PRKCZ: variants seen among roughly 807,000 people sequenced by gnomAD.
PRKCZ encodes protein kinase C zeta type.
In PRKCZ, 33 loss-of-function variants were observed where a neutral mutation model predicts 79.5. That is an observed-to-expected ratio of 0.41 (90% confidence interval 0.31 to 0.55). The LOEUF (loss-of-function observed/expected upper bound fraction) is 0.55, where lower values mean the gene tolerates loss of function less well. PRKCZ is among the 20% of genes least tolerant of loss of function. PRKCZ has a pLI of 0.19. For synonymous variants in PRKCZ, 342 were observed against 320.9 expected, an observed-to-expected ratio of 1.07 and a Z score of -0.70; for missense variants, 578 against 813.5, an observed-to-expected ratio of 0.71 and a Z score of 3.52.
In PRKCZ at chr1:2,174,914, AT is replaced by A. The variant is rs1685145051; in HGVS notation, c.1485+87del. 22 of 1,416,932 alleles carry A rather than the reference AT, an allele frequency of 1.6e-5. 1 individual carries two copies. In the South Asian group the frequency reaches 1.9e-4, roughly 12 times the overall value. The allele number at this position is 1,416,932 out of a possible 1,614,324, so 87.8% of individuals were successfully genotyped here. A position where few individuals can be genotyped will look rare whatever the true frequency, so the allele number is the denominator to read the frequency against. On this transcript the variant is annotated intron_variant, in intron 15 of 17. Transcript: ENST00000378567. This position sits in a 1 kb window ranked among gnomAD's most constrained non-coding sequence, Gnocchi z 6.2. ...AGAGGGCCAGGCACGGCTGTTGGCC[AT>A]TTTTTCATGTCGGCTGCTGTGTATC...
At chr1:2,069,138 C>G (rs967137839) in intron 4 of PRKCZ, among the ~76,000 whole-genome samples, 9 of 152,078 alleles carry the variant, frequency 5.9e-5, no homozygotes, top group African/African-American at 2.2e-4. Context: ...ACACCCCAAC[C>G]AATGCGACCC....
intron 16 of PRKCZ, among the ~76,000 whole-genome samples, chr1:2,181,424 T>TA (rs767691712): frequency 7.5e-4 from 114 of 152,348 alleles, no homozygotes; most frequent in Non-Finnish European, 1.2e-3. Context: ...CAACACCTGT[T>TA]ACTGCCACAG....
intron 4 of PRKCZ, among the ~76,000 whole-genome samples, chr1:2,093,426 T>C (rs1012219774): frequency 6.6e-6 from 1 of 152,114 alleles, no homozygotes; most frequent in Non-Finnish European, 1.5e-5. Context: ...CCCTGCTTCG[T>C]GCGGGGACTC....
chr1:2,148,817 C>T, intron 7 of PRKCZ, 55 bp from the exon 8 acceptor site: 2 of 1,571,926 alleles, frequency 1.3e-6, no homozygotes, highest in East Asian at 2.2e-5. Context: ...CGCTGTGTTC[C>T]CAGTGCGTTC....
intron 4 of PRKCZ, among the ~76,000 whole-genome samples, chr1:2,085,078 C>A (rs906280528): frequency 6.6e-6 from 1 of 151,954 alleles, no homozygotes; most frequent in Non-Finnish European, 1.5e-5. Context: ...CCAACATGAC[C>A]GACAAGGTGC....
At chr1:2,131,874 C>T (rs1013167562) in intron 4 of PRKCZ, among the ~76,000 whole-genome samples, 43 of 152,324 alleles carry the variant, frequency 2.8e-4, no homozygotes, top group Non-Finnish European at 2.9e-5. Context: ...TGCAGTGGCG[C>T]GATCGCGGCT....
At chr1:2,126,897 C>G (rs1043976432) in intron 4 of PRKCZ, among the ~76,000 whole-genome samples, 9 of 152,256 alleles carry the variant, frequency 5.9e-5, no homozygotes, top group Non-Finnish European at 1.2e-4. Context: ...CACTGACACC[C>G]TGATACCCAT....
intron 11 of PRKCZ, among the ~76,000 whole-genome samples, chr1:2,170,164 G>A (rs1185668100): frequency 1.3e-5 from 2 of 152,158 alleles, no homozygotes; most frequent in African/African-American, 2.4e-5. Flanking sequence ...CAGAACGAGA[G>A]TGGTCTGTTT....
rs931750464 is a variant in PRKCZ at position 2,165,850 on chromosome 1, C to T, written c.975-3668C>T. On this transcript the variant is annotated intron_variant, in intron 10 of 17. Transcript: ENST00000378567. This position sits in a 1 kb window ranked among gnomAD's most constrained non-coding sequence, Gnocchi z 4.1. ...GGTGGGGGGAGTGGCGAGGAGGGGG[C>T]GGCACCAAGGACAGGGCCCACCTCC... Among the ~76,000 whole-genome samples, 2 of 152,030 alleles carry T rather than the reference C, an allele frequency of 1.3e-5. No homozygotes were observed. The highest frequency in any genetic ancestry group is 2.9e-5 in the Non-Finnish European group (2 of 67,970).
At chr1:2,110,960 C>T (rs568456659) in intron 4 of PRKCZ, among the ~76,000 whole-genome samples, 1 of 152,198 alleles carries the variant, frequency 6.6e-6, no homozygotes, top group African/African-American at 2.4e-5. Context: ...TGCGGCCTTC[C>T]CCTCGGGTGC....
chr1:2,117,166 T>G (rs1670913529), intron 4 of PRKCZ, among the ~76,000 whole-genome samples: 1 of 152,036 alleles, frequency 6.6e-6, no homozygotes. Context: ...CCCAGGCTGG[T>G]CTTGAACTCC....
chr1:2,146,141 C>T (rs1201285406), intron 7 of PRKCZ, 33 bp downstream of exon 7: 2 of 1,577,064 alleles, frequency 1.3e-6, no homozygotes, highest in Non-Finnish European at 1.7e-6. Flanking sequence ...CGGGTAGAGC[C>T]TGGGCATCAC....
intron 10 of PRKCZ, chr1:2,156,520 AGTT>A: frequency 5.3e-6 from 1 of 189,204 alleles, no homozygotes; most frequent in Middle Eastern, 2.4e-3. Flanking sequence ...TTTGGGGGCC[AGTT>A]GACTTTGACC....
chr1:2,091,766 C>T (rs1353387391), intron 4 of PRKCZ, among the ~76,000 whole-genome samples: 1 of 152,114 alleles, frequency 6.6e-6, no homozygotes, highest in South Asian at 2.1e-4. Flanking sequence ...GAACTGATCC[C>T]ACTTGTTCCA....
Position 2,161,430 on chromosome 1 carries a change from A to G in PRKCZ, c.974+5338A>G, listed in dbSNP as rs115982850. 3.2e-3 allele frequency among the ~76,000 whole-genome samples: 484 copies of G among 152,324 alleles called. 4 individuals carry two copies. The highest frequency in any genetic ancestry group is 0.011 in the African/African-American group (473 of 41,582). On this transcript the variant is annotated intron_variant, in intron 10 of 17. Coordinates refer to ENST00000378567, the MANE Select transcript of PRKCZ (RefSeq NM_002744.6). ...TGCACTCTTCGGGAACACTGCGGAC[A>G]GCTGCGCATGCATCCTCCCAGAGCC...
At chr1:2,117,400 T>A (rs1394229520) in intron 4 of PRKCZ, among the ~76,000 whole-genome samples, 2 of 151,928 alleles carry the variant, frequency 1.3e-5, no homozygotes, top group East Asian at 3.9e-4. Flanking sequence ...TTTATAGCAA[T>A]GTGTAAAGAA....
intron 16 of PRKCZ, among the ~76,000 whole-genome samples, chr1:2,181,015 C>T (rs1030079127): frequency 2.0e-5 from 3 of 152,314 alleles, no homozygotes; most frequent in East Asian, 3.9e-4. Flanking sequence ...ACGTGGGGCT[C>T]GTCCATTCTG....
At chr1:2,105,111 G>A (rs933924507) in intron 4 of PRKCZ, among the ~76,000 whole-genome samples, 1 of 152,086 alleles carries the variant, frequency 6.6e-6, no homozygotes, top group Non-Finnish European at 1.5e-5. Context: ...GTGCCATGAA[G>A]CAATTTCCCA....
At chr1:2,113,375 T>C (rs1670130405) in intron 4 of PRKCZ, among the ~76,000 whole-genome samples, 2 of 152,224 alleles carry the variant, frequency 1.3e-5, no homozygotes, top group Non-Finnish European at 2.9e-5. Context: ...TTCTACCTGA[T>C]GTCTCCCCAT....
Sources: gnomAD v4.1 joint callset for allele counts (sites outside exome capture counted in the v4.1 genomes callset) on GRCh38, gnomAD v4.1.1 for gene constraint, Gnocchi (gnomAD v3.1) non-coding constraint, MANE v1.5 for transcripts, NCBI Gene and HGNC (gene_info 2026-07-23, HGNC 2026-07-21) for gene names.